TANC1: variants seen among roughly 807,000 people sequenced by gnomAD.
TANC1 encodes protein TANC1.
A neutral mutation model predicts 149.7 loss-of-function variants in TANC1; 77 were observed. The ratio of observed to expected loss-of-function variants is 0.51; its 90% confidence interval spans 0.43 to 0.62. The LOEUF (loss-of-function observed/expected upper bound fraction) is 0.62, where lower values mean the gene tolerates loss of function less well. Among genes scored for constraint, TANC1 ranks in the 20% least tolerant of loss-of-function variants. TANC1 has a pLI of 0.00. For synonymous variants in TANC1, 854 were observed against 925.0 expected (o/e 0.92, Z 1.39); for missense variants, 1,985 against 2,321.8 (o/e 0.85, Z 2.98).
chr2:159,163,885 A>G (rs896041602), intron 8 of TANC1, among the ~76,000 whole-genome samples: 5 of 152,318 alleles, frequency 3.3e-5, no homozygotes, highest in African/African-American at 1.2e-4. Flanking sequence ...GTAAATGGGA[A>G]TTGTTGAGTG....
At chr2:159,042,561 C>G (rs751549493) in intron 2 of TANC1, among the ~76,000 whole-genome samples, 9 of 151,926 alleles carry the variant, frequency 5.9e-5, no homozygotes, top group African/African-American at 9.7e-5. Context: ...AAGACCAGCC[C>G]TGGAGAGACT....
chr2:159,059,523 A>AT lies in TANC1; in HGVS notation c.-15-6373_-15-6372insT, dbSNP rs57468385. 8.2e-3 allele frequency among the ~76,000 whole-genome samples: 968 copies of AT among 118,738 alleles called. 9 individuals are homozygous for AT. The highest frequency in any genetic ancestry group is 0.037 in the African/African-American group (890 of 23,820). 77.9% of individuals were successfully genotyped at this position (118,738 alleles called of 152,430 possible). Reference sequence around the variant, plus strand: ...CTCTCTTAAAAAAAACCAAATATATAAAAAAAAAAGAAGAACCAAAGGCCA... The same window carrying AT: ...CTCTCTTAAAAAAAACCAAATATATATAAAAAAAAAGAAGAACCAAAGGCCA... On this transcript the variant is annotated intron_variant, in intron 2 of 26. Transcript: ENST00000263635.
chr2:158,973,596 C>T (rs763752331), intron 1 of TANC1, among the ~76,000 whole-genome samples: 1 of 152,124 alleles, frequency 6.6e-6, no homozygotes, highest in African/African-American at 2.4e-5. Context: ...TTGATGCCAG[C>T]CAAAGGAGAG....
At position 158,996,084 on chromosome 2, in the gene TANC1, C is replaced by A. The variant is rs143070024; in HGVS notation, c.-125-4996C>A. On this transcript the variant is annotated intron_variant, in intron 1 of 26. Coordinates refer to ENST00000263635, the MANE Select transcript of TANC1 (RefSeq NM_033394.3). ...ATAACTTGATGGCTGGACATGGTGACCCACACCTAAAATCCCAGCACTTTG... is the reference window on the plus strand; with the variant it reads ...ATAACTTGATGGCTGGACATGGTGAACCACACCTAAAATCCCAGCACTTTG... Among the ~76,000 whole-genome samples the A allele has an allele frequency of 9.1e-4, 138 of 152,340 alleles. 1 individual carries two copies. Among genetic ancestry groups the A allele is most frequent in the African/African-American group, 3.2e-3 (133 of 41,572 alleles).
At chr2:159,022,679 A>C (rs1172568877) in intron 2 of TANC1, among the ~76,000 whole-genome samples, 1 of 152,168 alleles carries the variant, frequency 6.6e-6, no homozygotes, top group Non-Finnish European at 1.5e-5. Flanking sequence ...TGAAGGTTGC[A>C]GTGAGCTGAG....
intron 7 of TANC1, 37 bp downstream of exon 7, chr2:159,150,593 A>G: frequency 6.5e-7 from 1 of 1,527,820 alleles, no homozygotes. Context: ...AATGGCTCGA[A>G]TCTCATCAAC....
intron 5 of TANC1, among the ~76,000 whole-genome samples, chr2:159,139,424 G>A (rs928545003): frequency 2.0e-5 from 3 of 152,140 alleles, no homozygotes; most frequent in Non-Finnish European, 4.4e-5. Flanking sequence ...TTCTTAATGA[G>A]TAAGCTTCCT....
chr2:159,190,363 A>G (rs1319423540), intron 16 of TANC1, among the ~76,000 whole-genome samples: 1 of 152,170 alleles, frequency 6.6e-6, no homozygotes, highest in Non-Finnish European at 1.5e-5. Flanking sequence ...TCCTGTGGCT[A>G]GCAGAGTCTG....
intron 3 of TANC1, among the ~76,000 whole-genome samples, chr2:159,082,621 A>T (rs1294696273): frequency 6.6e-6 from 1 of 152,158 alleles, no homozygotes; most frequent in Non-Finnish European, 1.5e-5. Flanking sequence ...AAGCCATGGT[A>T]ATAGGCATGT....
chr2:159,122,883 T>C (rs1040092154), intron 4 of TANC1, among the ~76,000 whole-genome samples: 2 of 152,140 alleles, frequency 1.3e-5, no homozygotes, highest in South Asian at 4.1e-4. Context: ...TTTTATATTT[T>C]GTTTTTTAAG....
intron 2 of TANC1, among the ~76,000 whole-genome samples, chr2:159,005,039 A>T (rs2037017555): frequency 6.6e-6 from 1 of 152,208 alleles, no homozygotes; most frequent in African/African-American, 2.4e-5. Flanking sequence ...TGCAGCAGGA[A>T]CATGTCCTTA....
intron 19 of TANC1, among the ~76,000 whole-genome samples, chr2:159,214,884 T>C (rs1354175822): frequency 1.3e-5 from 2 of 152,180 alleles, no homozygotes; most frequent in East Asian, 3.9e-4. Flanking sequence ...GGTGGCCTCC[T>C]TTCTGAAAAG....
At chr2:159,008,219 A>G (rs1432676769) in intron 2 of TANC1, among the ~76,000 whole-genome samples, 1 of 152,216 alleles carries the variant, frequency 6.6e-6, no homozygotes, top group East Asian at 1.9e-4. Context: ...AAACTATGCA[A>G]GCATTACTTT....
At chr2:159,171,850 C>A (rs1262949797) in intron 10 of TANC1, among the ~76,000 whole-genome samples, 1 of 53,488 alleles carries the variant, frequency 1.9e-5, no homozygotes, top group Non-Finnish European at 3.4e-5. Flanking sequence ...GAGTGAGACT[C>A]CGCCTTAAAA....
chr2:159,225,285 A>G, intron 23 of TANC1: 1 of 258,262 alleles, frequency 3.9e-6, no homozygotes, highest in Non-Finnish European at 7.5e-6. Context: ...GAGAGAAGCC[A>G]TGACATCTCG....
At chr2:159,105,018 G>A (rs1317588901) in intron 4 of TANC1, among the ~76,000 whole-genome samples, 3 of 68,430 alleles carry the variant, frequency 4.4e-5, no homozygotes, top group Non-Finnish European at 7.7e-5. Flanking sequence ...TTTTTGAGAT[G>A]GAGTCTCGCT....
intron 7 of TANC1, among the ~76,000 whole-genome samples, chr2:159,158,670 A>C (rs184538284): frequency 2.6e-4 from 40 of 152,342 alleles, no homozygotes; most frequent in African/African-American, 9.1e-4. Context: ...AGGGCAAGAG[A>C]AAAGATGCAT....
chr2:159,170,682 G>A lies in TANC1; in HGVS notation c.1228G>A (p.Ala410Thr), dbSNP rs187164990. 2.7e-5 allele frequency: 44 copies of A among 1,614,146 alleles called. No individual in the cohort carries two copies. The highest frequency in any genetic ancestry group is 6.7e-5 in the East Asian group (3 of 44,874). The change falls in exon 10 of 27, where the codon GCG becomes ACG. Residue 410 changes from alanine to threonine, a missense_variant. Coordinates refer to ENST00000263635, the MANE Select transcript of TANC1 (RefSeq NM_033394.3). ...RNTELAENRG[A>T]VVVGNVGFGK... ...CACAGAACTGGCAGAAAACAGAGGC[G>A]CGGTGGTGGTTGGCAATGTGGGATT...
intron 2 of TANC1, among the ~76,000 whole-genome samples, chr2:159,039,637 C>A (rs1396571944): frequency 6.6e-6 from 1 of 152,170 alleles, no homozygotes; most frequent in African/African-American, 2.4e-5. Flanking sequence ...GCAGGTTGTT[C>A]AGTTTCCATG....
Sources: gnomAD v4.1 joint callset for allele counts (sites outside exome capture counted in the v4.1 genomes callset) on GRCh38, gnomAD v4.1.1 for gene constraint, MANE v1.5 for transcripts, NCBI Gene and HGNC (gene_info 2026-07-23, HGNC 2026-07-21) for gene names.